The following RSRC1 variants were observed in gnomAD, a reference collection of about 807,000 sequenced individuals.
The protein encoded by RSRC1 is arginine and serine rich coiled-coil 1, also known as serine/Arginine-related protein 53.
In RSRC1, 39 loss-of-function variants were observed where a neutral mutation model predicts 49.1. The observed-to-expected ratio is 0.79, with a 90% CI of 0.61 to 1.04. The LOEUF (loss-of-function observed/expected upper bound fraction) is 1.04. Among genes scored for constraint, RSRC1 ranks in the 50% least tolerant of loss-of-function variants. The pLI is 0.00. For missense variants in RSRC1, 388 were observed against 402.4 expected (o/e 0.96, Z 0.31); for synonymous variants, 143 against 130.8 (o/e 1.09, Z -0.63).
At chr3:158,317,569 T>C (rs187156963) in intron 5 of RSRC1, among the ~76,000 whole-genome samples, 18 of 149,818 alleles carry the variant, frequency 1.2e-4, no homozygotes, top group Admixed American at 1.0e-3. Flanking sequence ...ACATTTTATT[T>C]TATTTGTGAG....
At chr3:158,225,757 T>G (rs1722496543) in intron 4 of RSRC1, 1 of 431,090 alleles carries the variant, frequency 2.3e-6, no homozygotes, top group Non-Finnish European at 4.6e-6. Flanking sequence ...TACAAGCCCT[T>G]AGAAACATTT....
chr3:158,401,448 A>G (rs1482535538), intron 6 of RSRC1, among the ~76,000 whole-genome samples: 1 of 152,008 alleles, frequency 6.6e-6, no homozygotes, highest in Non-Finnish European at 1.5e-5. Flanking sequence ...TTGCGATAGG[A>G]CGGAGAAACG....
In RSRC1 at chr3:158,122,451, G is replaced by A. The variant is rs1684379169; in HGVS notation, c.194+153G>A. On this transcript the variant is annotated intron_variant, in intron 2 of 9. Coordinates refer to ENST00000611884, the MANE Select transcript of RSRC1 (RefSeq NM_001271838.2). ...ACCCAGAGTTTTTTTGTTCCACCAG[G>A]TCCAGTCCGTGGGTCTAGTGTCCTC... is the stretch of plus-strand genomic sequence containing the variant. 2.6e-5 allele frequency among the ~76,000 whole-genome samples: 4 copies of A among 151,974 alleles called. No individual in the cohort carries two copies. The South Asian group carries it at 8.3e-4, about 32-fold the overall frequency.
chr3:158,358,998 C>T (rs1317968977), intron 6 of RSRC1, among the ~76,000 whole-genome samples: 3 of 151,594 alleles, frequency 2.0e-5, no homozygotes, highest in African/African-American at 7.3e-5. Flanking sequence ...TACCTTTATT[C>T]TATTGTGAGT....
intron 6 of RSRC1, among the ~76,000 whole-genome samples, chr3:158,455,984 A>AAAAAAAG: frequency 2.6e-5 from 1 of 38,396 alleles, no homozygotes; most frequent in Non-Finnish European, 5.2e-5. Context: ...CATCTCAAAA[A>AAAAAAAG]AAAAAAAAAA....
chr3:158,432,167 G>A (rs1418979631), intron 6 of RSRC1, among the ~76,000 whole-genome samples: 2 of 151,874 alleles, frequency 1.3e-5, no homozygotes, highest in African/African-American at 4.8e-5. Flanking sequence ...TTGCACCTCC[G>A]GCTATGTTCT....
At chr3:158,153,299 A>T (rs1026406396) in intron 3 of RSRC1, among the ~76,000 whole-genome samples, 11 of 152,058 alleles carry the variant, frequency 7.2e-5, no homozygotes, top group African/African-American at 2.7e-4. Context: ...ATGGGTATGG[A>T]ACTCTCTTCT....
intron 6 of RSRC1, among the ~76,000 whole-genome samples, chr3:158,438,354 T>A (rs1004088157): frequency 1.3e-5 from 2 of 152,152 alleles, no homozygotes; most frequent in African/African-American, 4.8e-5. Flanking sequence ...GGAAACCACA[T>A]AGCCAAGACA....
chr3:158,202,654 A>G (rs1721125932), intron 3 of RSRC1, among the ~76,000 whole-genome samples: 1 of 149,120 alleles, frequency 6.7e-6, no homozygotes, highest in African/African-American at 2.5e-5. Context: ...TTTAATACAA[A>G]GAATAGCTGG....
chr3:158,372,331 A>G (rs1732126290), intron 6 of RSRC1, among the ~76,000 whole-genome samples: 1 of 151,926 alleles, frequency 6.6e-6, no homozygotes. Flanking sequence ...ATGTTTATAT[A>G]TGATGAAGTA....
At chr3:158,160,332 A>T (rs1718144387) in intron 3 of RSRC1, among the ~76,000 whole-genome samples, 2 of 152,180 alleles carry the variant, frequency 1.3e-5, no homozygotes, top group African/African-American at 2.4e-5. Context: ...CTTCTGAATA[A>T]CTCAAATGAT....
chr3:158,390,765 T>C (rs1383545277), intron 6 of RSRC1, among the ~76,000 whole-genome samples: 2 of 152,156 alleles, frequency 1.3e-5, no homozygotes, highest in Non-Finnish European at 2.9e-5. Flanking sequence ...TATATTACAG[T>C]ATTTATGCTG....
At chr3:158,242,224 C>T (rs780485285) in intron 4 of RSRC1, among the ~76,000 whole-genome samples, 5 of 151,786 alleles carry the variant, frequency 3.3e-5, no homozygotes, top group Non-Finnish European at 7.4e-5. Flanking sequence ...TCTACCAGGC[C>T]CCAGTTTGTG....
chr3:158,275,415 G>A (rs1725750769), intron 4 of RSRC1, among the ~76,000 whole-genome samples: 1 of 152,074 alleles, frequency 6.6e-6, no homozygotes. Context: ...CTGCCAAAAT[G>A]AAAAACCCAG....
chr3:158,392,350 C>CT (rs1004036095), intron 6 of RSRC1, among the ~76,000 whole-genome samples: 16 of 151,986 alleles, frequency 1.1e-4, no homozygotes, highest in Admixed American at 3.3e-4. Flanking sequence ...TCCTTTAACA[C>CT]TTTTTTGTGA....
chr3:158,167,076 A>C (rs983481373), intron 3 of RSRC1, among the ~76,000 whole-genome samples: 8 of 152,200 alleles, frequency 5.3e-5, no homozygotes, highest in Admixed American at 1.3e-4. Context: ...TACATCTATC[A>C]AGTTGTCACA....
In RSRC1 at chr3:158,474,948, C is replaced by G. The variant is rs190328961; in HGVS notation, c.652+13945C>G. On this transcript the variant is annotated intron_variant, in intron 7 of 9. Transcript: ENST00000611884. Reference sequence around the variant, plus strand: ...CGGGGGTGGTTGAGATAGGGTCTTGCTTAGTTGCCCAGCTGAAATATGGTG... The same window carrying G: ...CGGGGGTGGTTGAGATAGGGTCTTGGTTAGTTGCCCAGCTGAAATATGGTG... Among the ~76,000 whole-genome samples, 27 of 152,138 alleles carry G rather than the reference C, an allele frequency of 1.8e-4. No individual in the cohort carries two copies. In the East Asian group the frequency reaches 2.9e-3, roughly 16 times the overall value.
At chr3:158,298,610 G>A (rs1233139050) in intron 5 of RSRC1, among the ~76,000 whole-genome samples, 9 of 152,064 alleles carry the variant, frequency 5.9e-5, no homozygotes, top group African/African-American at 1.7e-4. Flanking sequence ...AGAGAAAAGT[G>A]AAATTCAAAC....
At chr3:158,328,856 C>T (rs1192630596) in intron 5 of RSRC1, among the ~76,000 whole-genome samples, 1 of 152,186 alleles carries the variant, frequency 6.6e-6, no homozygotes, top group Admixed American at 6.5e-5. Context: ...CCATTCTCCC[C>T]ATCACTTTCA....
Sources: gnomAD v4.1 joint callset for allele counts (sites outside exome capture counted in the v4.1 genomes callset) on GRCh38, gnomAD v4.1.1 for gene constraint, MANE v1.5 for transcripts, NCBI Gene and HGNC (gene_info 2026-07-23, HGNC 2026-07-21) for gene names.